OR13A1: variants seen among roughly 807,000 people sequenced by gnomAD.
OR13A1 encodes olfactory receptor family 13 subfamily A member 1, also known as olfactory receptor 13A1.
OR13A1 carries 10 observed loss-of-function variants against 7.5 expected under a neutral mutation model. That is an observed-to-expected ratio of 1.34 (90% CI 0.83 to 2.27). The LOEUF (loss-of-function observed/expected upper bound fraction) is 2.27. Ranked by LOEUF, OR13A1 falls within the 30% of genes most tolerant of loss-of-function variation. OR13A1 has a pLI of 0.00. For missense variants in OR13A1, 509 were observed against 419.1 expected (o/e 1.21, Z -1.87); for synonymous variants, 238 against 177.9 (o/e 1.34, Z -2.69).
At chr10:45,306,386 G>A (rs1838330229) in intron 3 of OR13A1, among the ~76,000 whole-genome samples, 1 of 151,874 alleles carries the variant, frequency 6.6e-6, no homozygotes, top group African/African-American at 2.4e-5. Flanking sequence ...CCGGGAGGCG[G>A]AGCTTGCAGT....
rs75605166 is a variant in OR13A1, at chr10:45,304,256, G to A, written c.167C>T (p.Ala56Val). 17 of 1,614,054 alleles carry A rather than the reference G, an allele frequency of 1.1e-5. No homozygotes were observed. The Admixed American group carries it at 1.2e-4, about 11-fold the overall frequency. ...GGTGATGAGGACATTACCTGTGAGG[G>A]CCCCAGAGTAGAGGAAGAGGAAACA... ...FSCFLFLYSGALTGNVLITLA... is the reference protein window; with the variant it reads ...FSCFLFLYSGVLTGNVLITLA... The change falls in exon 4 of 4, where the codon GCC (alanine) becomes GTC (valine). Residue 56 changes from alanine (A) to valine (V), a missense_variant. Coordinates refer to ENST00000553795, the MANE Select transcript of OR13A1 (RefSeq NM_001004297.3).
Position 45,303,247 on chromosome 10 carries a change from G to C in OR13A1, c.*189C>G, listed in dbSNP as rs1226788561. ...GACCAAGAGATCTGGTGTCTCAGAGGCTGGTGGGTCACACCTACCGCAATC... is the reference window on the plus strand; with the variant it reads ...GACCAAGAGATCTGGTGTCTCAGAGCCTGGTGGGTCACACCTACCGCAATC... On this transcript the variant is annotated 3_prime_UTR_variant, in exon 4 of 4. Coordinates refer to ENST00000553795, the MANE Select transcript of OR13A1 (RefSeq NM_001004297.3). 8 of 607,036 alleles carry C rather than the reference G, an allele frequency of 1.3e-5. No homozygotes were observed. The highest frequency in any genetic ancestry group is 2.3e-5 in the Non-Finnish European group (8 of 349,822). 37.6% of individuals were successfully genotyped at this position (607,036 alleles called of 1,614,324 possible). A position where few individuals can be genotyped will look rare whatever the true frequency, so the allele number is the denominator to read the frequency against.
chr10:45,312,886 A>G (rs1446660120), intron 1 of OR13A1, among the ~76,000 whole-genome samples: 1 of 152,144 alleles, frequency 6.6e-6, no homozygotes, highest in Non-Finnish European at 1.5e-5. Context: ...TGGGGAGTTC[A>G]TTACCACTGG....
At chr10:45,306,461 A>C (rs1247438645) in intron 3 of OR13A1, among the ~76,000 whole-genome samples, 1 of 152,220 alleles carries the variant, frequency 6.6e-6, no homozygotes, top group Non-Finnish European at 1.5e-5. Flanking sequence ...TCAAAAAAAA[A>C]AAAAAAAGTT....
In OR13A1 at chr10:45,303,238, G is replaced by A. The variant is rs1209445029; in HGVS notation, c.*198C>T. 3 of 584,608 alleles carry A rather than the reference G, an allele frequency of 5.1e-6. No individual in the cohort carries two copies. In the East Asian group the frequency reaches 8.5e-5, roughly 17 times the overall value. 36.2% of individuals were successfully genotyped at this position (584,608 alleles called of 1,614,324 possible). On this transcript the variant is annotated 3_prime_UTR_variant, in exon 4 of 4. Transcript: ENST00000553795. Reference sequence around the variant, plus strand: ...TTGGAGTCAGACCAAGAGATCTGGTGTCTCAGAGGCTGGTGGGTCACACCT... The same window carrying A: ...TTGGAGTCAGACCAAGAGATCTGGTATCTCAGAGGCTGGTGGGTCACACCT...
intron 3 of OR13A1, among the ~76,000 whole-genome samples, chr10:45,306,822 T>C (rs970779116): frequency 6.6e-6 from 1 of 152,228 alleles, no homozygotes; most frequent in Admixed American, 6.5e-5. Context: ...TCAGAACAGC[T>C]CAATAACTTG....
chr10:45,303,423 CAGAA>C lies in OR13A1; in HGVS notation c.*9_*12del. 6.4e-7 allele frequency: 1 copy of C among 1,574,152 alleles called. No homozygotes were observed. Among genetic ancestry groups the C allele is most frequent in the Non-Finnish European group, 8.6e-7 (1 of 1,159,092 alleles). On this transcript the variant is annotated 3_prime_UTR_variant, in exon 4 of 4. Coordinates refer to ENST00000553795, the MANE Select transcript of OR13A1 (RefSeq NM_001004297.3). ...CTGCAGTCTCCAAGGACAAAAACTT[CAGAA>C]GACACAAGTTAATTTCTGAAGAAAG... is the stretch of plus-strand genomic sequence containing the variant.
intron 3 of OR13A1, among the ~76,000 whole-genome samples, chr10:45,306,529 C>T (rs1838334824): frequency 6.6e-6 from 1 of 151,594 alleles, no homozygotes. Context: ...TAAAAATGAA[C>T]ATTTGGAAGA....
In OR13A1 at chr10:45,303,591, T is replaced by G; in HGVS notation, c.832A>C (p.Ile278Leu). The G allele has an allele frequency of 1.9e-6, 3 of 1,614,066 alleles. No individual in the cohort carries two copies. Among genetic ancestry groups the G allele is most frequent in the Non-Finnish European group, 1.7e-6 (2 of 1,180,026 alleles). Residue 278 changes from isoleucine (I) to leucine (L), a missense_variant, in exon 4 of 4, where the codon ATA (isoleucine) becomes CTA (leucine). Transcript: ENST00000553795. ...GCGCTGTAGCCAGAGACCGGGCTTA[T>G]GTAGGCGTAGAAGACAGCGGTGTAA... ...MYYTAVFYAY[I>L]SPVSGYSAGK...
intron 1 of OR13A1, among the ~76,000 whole-genome samples, chr10:45,313,747 C>T (rs932634601): frequency 6.6e-6 from 1 of 151,980 alleles, no homozygotes; most frequent in African/African-American, 2.4e-5. Flanking sequence ...CCTCTAATAC[C>T]AGAGCTCCTA....
At position 45,304,029 on chromosome 10, in the gene OR13A1, G is replaced by A; in HGVS notation, c.394C>T (p.Leu132Phe). The change falls in exon 4 of 4, where the codon CTC becomes TTC. Residue 132 changes from leucine (L) to phenylalanine (F), a missense_variant. Physicochemically the swap from Leu to Phe is conservative, Grantham distance 22 (BLOSUM62 0). Transcript: ENST00000553795. ...LTWAASSELLLLTVMAYDRYA... is the reference protein window; with the variant it reads ...LTWAASSELLFLTVMAYDRYA... ...CGGTCATAGGCCATGACCGTGAGGAGCAGCAGCTCTGAGGATGCAGCCCAC... is the reference window on the plus strand; with the variant it reads ...CGGTCATAGGCCATGACCGTGAGGAACAGCAGCTCTGAGGATGCAGCCCAC... The A allele has an allele frequency of 6.2e-7, 1 of 1,613,220 alleles. No individual in the cohort carries two copies. Among genetic ancestry groups the A allele is most frequent in the Non-Finnish European group, 8.5e-7 (1 of 1,179,374 alleles).
chr10:45,313,286 C>T (rs1838473710), intron 1 of OR13A1, among the ~76,000 whole-genome samples: 2 of 150,754 alleles, frequency 1.3e-5, no homozygotes, highest in Admixed American at 6.6e-5. Context: ...CTATAGAATA[C>T]ACACAAAAGG....
intron 1 of OR13A1, among the ~76,000 whole-genome samples, chr10:45,315,127 G>T (rs1451337719): frequency 2.6e-5 from 4 of 152,088 alleles, no homozygotes; most frequent in Admixed American, 1.3e-4. Flanking sequence ...TGATGATCAG[G>T]TTGGCTTTAT....
Position 45,303,319 on chromosome 10 carries a change from G to A in OR13A1, c.*117C>T, listed in dbSNP as rs1838244998. ...GAACCAGCACTCCCAGCTCATCCATGCACAGGTTCTGCTGGGTTAGAAAAA... is the reference window on the plus strand; with the variant it reads ...GAACCAGCACTCCCAGCTCATCCATACACAGGTTCTGCTGGGTTAGAAAAA... On this transcript the variant is annotated 3_prime_UTR_variant, in exon 4 of 4. Transcript: ENST00000553795. 10 of 1,109,814 alleles carry A rather than the reference G, an allele frequency of 9.0e-6. No homozygotes were observed. In the Admixed American group the frequency reaches 9.2e-5, roughly 10 times the overall value. 68.7% of individuals were successfully genotyped at this position (1,109,814 alleles called of 1,614,324 possible). A position where few individuals can be genotyped will look rare whatever the true frequency, so the allele number is the denominator to read the frequency against.
At chr10:45,314,641 G>C (rs1190154698) in intron 1 of OR13A1, among the ~76,000 whole-genome samples, 1 of 151,772 alleles carries the variant, frequency 6.6e-6, no homozygotes, top group Non-Finnish European at 1.5e-5. Flanking sequence ...GGTGGTTTTT[G>C]AAAACACCAA....
rs1838274075 is a variant in OR13A1, at chr10:45,304,093, G to A, written c.330C>T (p.Ile110=). 1 of 1,614,024 alleles carries A rather than the reference G, an allele frequency of 6.2e-7. No homozygotes were observed. Among genetic ancestry groups the A allele is most frequent in the Admixed American group, 1.7e-5 (1 of 59,994 alleles). The stretch of plus-strand genomic sequence containing the variant: ...GCTGGGCCATGCAGCCCCCGTAGGA[G>A]ATGGAGCTCTCTTCCGACACCAGAC... ...LASLVSEESS[I]SYGGCMAQLY... Residue 110 remains isoleucine (I), a synonymous_variant, in exon 4 of 4, where the codon ATC becomes ATT. Transcript: ENST00000553795.
At chr10:45,309,833 A>G (rs1588944466) in intron 1 of OR13A1, among the ~76,000 whole-genome samples, 1 of 152,226 alleles carries the variant, frequency 6.6e-6, no homozygotes, top group Non-Finnish European at 1.5e-5. Context: ...GCACTAAACT[A>G]AACAGTTCAT....
intron 1 of OR13A1, among the ~76,000 whole-genome samples, chr10:45,313,612 A>G (rs982594830): frequency 3.9e-5 from 6 of 152,118 alleles, no homozygotes; most frequent in African/African-American, 1.4e-4. Flanking sequence ...AAGCAAGCAG[A>G]AGTGACTATA....
At chr10:45,304,874 A>C (rs1232308238) in intron 3 of OR13A1, among the ~76,000 whole-genome samples, 2 of 152,230 alleles carry the variant, frequency 1.3e-5, no homozygotes, top group Non-Finnish European at 2.9e-5. Flanking sequence ...ATTTAAAACA[A>C]TCTATACCCT....
Sources: allele counts gnomAD v4.1 joint callset (sites outside exome capture counted in the v4.1 genomes callset), GRCh38; gene constraint gnomAD v4.1.1; transcripts MANE v1.5; gene names NCBI Gene and HGNC (gene_info 2026-07-23, HGNC 2026-07-21).